CCDC88C: variants seen among roughly 807,000 people sequenced by gnomAD.
CCDC88C encodes protein Daple.
A neutral mutation model predicts 198.8 loss-of-function variants in CCDC88C; 131 were observed. The observed-to-expected ratio is 0.66, with a 90% CI of 0.57 to 0.76. The LOEUF (loss-of-function observed/expected upper bound fraction) is 0.76, where lower values mean the gene tolerates loss of function less well. CCDC88C is among the 30% of genes least tolerant of loss of function. The pLI is 0.00. For synonymous variants in CCDC88C, 1,166 were observed against 1,114.7 expected, an observed-to-expected ratio of 1.05 and a Z score of -0.92; for missense variants, 2,553 against 2,631.6, an observed-to-expected ratio of 0.97 and a Z score of 0.65.
chr14:91,337,873 G>A lies in CCDC88C; in HGVS notation c.1050+132C>T. 7.3e-6 allele frequency: 8 copies of A among 1,092,596 alleles called. No individual in the cohort carries two copies. The South Asian group carries it at 1.2e-4, about 16-fold the overall frequency. 67.7% of individuals were successfully genotyped at this position (1,092,596 alleles called of 1,614,324 possible). ...GCCCTGGGAAGCCCAGGCAGGCTGAGGTGCCGGGGAAGCATCTGCTGAAAC... is the reference window on the plus strand; with the variant it reads ...GCCCTGGGAAGCCCAGGCAGGCTGAAGTGCCGGGGAAGCATCTGCTGAAAC... On this transcript the variant is annotated intron_variant, in intron 10 of 29. Coordinates refer to ENST00000389857, the MANE Select transcript of CCDC88C (RefSeq NM_001080414.4).
At chr14:91,417,551 G>A in intron 1 of CCDC88C, 80 bp downstream of exon 1, 2 of 1,381,440 alleles carry the variant, frequency 1.4e-6, no homozygotes, top group Admixed American at 2.1e-5. Flanking sequence ...CCCCGGCCGT[G>A]TCGGGTCTGC....
At chr14:91,309,806 T>C in intron 16 of CCDC88C, 53 bp downstream of exon 16, 5 of 1,566,862 alleles carry the variant, frequency 3.2e-6, no homozygotes, top group Non-Finnish European at 4.4e-6. Flanking sequence ...GCCTGCAGAC[T>C]GAACAGTGGA....
chr14:91,340,887 A>G (rs1893285544), intron 6 of CCDC88C, among the ~76,000 whole-genome samples: 1 of 152,128 alleles, frequency 6.6e-6, no homozygotes, highest in Non-Finnish European at 1.5e-5. Flanking sequence ...CTGTGGTCCC[A>G]GCTACTTGGG....
In CCDC88C at chr14:91,371,518, A is replaced by T. The variant is rs565431212; in HGVS notation, c.271-11807T>A. 1.4e-4 allele frequency among the ~76,000 whole-genome samples: 22 copies of T among 152,126 alleles called. No homozygotes were observed. In the East Asian group the frequency reaches 2.7e-3, roughly 19 times the overall value. On this transcript the variant is annotated intron_variant, in intron 3 of 29. Transcript: ENST00000389857. This position sits in a 1 kb window ranked among gnomAD's most constrained non-coding sequence, Gnocchi z 4.2. ...CGGCGGTGGCAGGAGTACAGCACAG[A>T]CCAAGACCACAGTCTTGGTCCCGAG...
In CCDC88C at chr14:91,277,944, C is replaced by T; in HGVS notation, c.5036G>A (p.Ser1679Asn). ...MVTLEEFLEE[S>N]NRSSPTHDTP... ...CACATGGGTGGGGGAGCTGCGGTTG[C>T]TCTCCTCCAGGAACTCCTCCAAGGT... The change falls in exon 29 of 30, where the codon AGC becomes AAC. Residue 1679 changes from serine to asparagine, a missense_variant. Around this residue, in one of 2 missense-constraint regions of CCDC88C, gnomAD observed 1,293 missense variants for 1,219.6 expected, o/e 1.06. Transcript: ENST00000389857. 6.6e-7 allele frequency: 1 copy of T among 1,519,276 alleles called. No individual in the cohort carries two copies. Among genetic ancestry groups the T allele is most frequent in the Non-Finnish European group, 8.9e-7 (1 of 1,124,780 alleles). The allele number at this position is 1,519,276 out of a possible 1,614,324, so 94.1% of individuals were successfully genotyped here.
intron 3 of CCDC88C, among the ~76,000 whole-genome samples, chr14:91,389,926 G>T (rs1311826417): frequency 1.3e-5 from 2 of 151,884 alleles, no homozygotes; most frequent in Non-Finnish European, 2.9e-5. Flanking sequence ...CAAAAAATTA[G>T]CTGGGCGTGG....
At chr14:91,327,738 TTC>T (rs1373145544) in intron 10 of CCDC88C, among the ~76,000 whole-genome samples, 1 of 152,238 alleles carries the variant, frequency 6.6e-6, no homozygotes, top group African/African-American at 2.4e-5. Context: ...GCCCAGCCTT[TTC>T]TCTCTGGCTA....
In CCDC88C at chr14:91,339,127, A is replaced by G; in HGVS notation, c.809+151T>C. ...CTCAGAAGGGGAGGCAGCTAGTCCG[A>G]GGTCAAAGAGTAAGCTCAGGGCAGA... is the stretch of plus-strand genomic sequence containing the variant. On this transcript the variant is annotated intron_variant, in intron 8 of 29. Coordinates refer to ENST00000389857, the MANE Select transcript of CCDC88C (RefSeq NM_001080414.4). The surrounding 1 kb of genome is among the most constrained non-coding windows in gnomAD (Gnocchi z 5.8). 1 of 876,948 alleles carries G rather than the reference A, an allele frequency of 1.1e-6. No individual in the cohort carries two copies. 54.3% of individuals were successfully genotyped at this position (876,948 alleles called of 1,614,324 possible).
At chr14:91,341,168 A>T (rs968009298) in intron 6 of CCDC88C, among the ~76,000 whole-genome samples, 1 of 152,162 alleles carries the variant, frequency 6.6e-6, no homozygotes, top group Non-Finnish European at 1.5e-5. Context: ...AATTAGGAGA[A>T]ATCTTATCCC....
At position 91,295,696 on chromosome 14, in the gene CCDC88C, C is replaced by T. The variant is rs1435284783; in HGVS notation, c.3967-1378G>A. On this transcript the variant is annotated intron_variant, in intron 22 of 29. Transcript: ENST00000389857. Reference sequence around the variant, plus strand: ...GGCGGGTTAGGAGGAGCGGCGAGCACGGCTCCGAGCACAGCCACGCCCTCA... The same window carrying T: ...GGCGGGTTAGGAGGAGCGGCGAGCATGGCTCCGAGCACAGCCACGCCCTCA... 3.9e-5 allele frequency among the ~76,000 whole-genome samples: 6 copies of T among 152,178 alleles called. No individual in the cohort carries two copies. In the East Asian group the frequency reaches 5.8e-4, roughly 15 times the overall value.
intron 4 of CCDC88C, among the ~76,000 whole-genome samples, chr14:91,355,292 T>G (rs1220438998): frequency 6.6e-6 from 1 of 151,858 alleles, no homozygotes; most frequent in Admixed American, 6.6e-5. Flanking sequence ...AGGATAAGGA[T>G]GGCTGAGGGG....
chr14:91,401,323 T>G (rs1262723152), intron 3 of CCDC88C, among the ~76,000 whole-genome samples: 1 of 86,994 alleles, frequency 1.1e-5, no homozygotes, highest in Non-Finnish European at 2.2e-5. Flanking sequence ...TTATTATATA[T>G]TACATATATT....
intron 4 of CCDC88C, among the ~76,000 whole-genome samples, chr14:91,356,695 T>C (rs1894051022): frequency 6.6e-6 from 1 of 152,036 alleles, no homozygotes; most frequent in East Asian, 1.9e-4. Flanking sequence ...TCAATAAAGC[T>C]GTTAAAAAAA....
chr14:91,289,024 C>T, intron 25 of CCDC88C, 81 bp downstream of exon 25: 1 of 1,166,774 alleles, frequency 8.6e-7, no homozygotes, highest in South Asian at 1.3e-5. Flanking sequence ...CGTTCCTGCA[C>T]ACGTGTGCAC....
rs1886945989 is a variant in CCDC88C at position 91,414,503 on chromosome 14, G to A, written c.161+2235C>T. On this transcript the variant is annotated intron_variant, in intron 2 of 29. Coordinates refer to ENST00000389857, the MANE Select transcript of CCDC88C (RefSeq NM_001080414.4). ...GTTTTGGAAAATGAAACATACTCCA[G>A]CCACTCTGCAGGACATTTCAACTAC... is the stretch of plus-strand genomic sequence containing the variant. Among the ~76,000 whole-genome samples, 9 of 152,310 alleles carry A rather than the reference G, an allele frequency of 5.9e-5. No individual in the cohort carries two copies. In the South Asian group the frequency reaches 1.7e-3, roughly 28 times the overall value.
chr14:91,335,472 T>G, intron 10 of CCDC88C, among the ~76,000 whole-genome samples: 1 of 151,946 alleles, frequency 6.6e-6, no homozygotes. Flanking sequence ...TCTGCCTGGC[T>G]CTCCCTGCTT....
intron 3 of CCDC88C, among the ~76,000 whole-genome samples, chr14:91,373,034 C>T (rs917565445): frequency 1.3e-5 from 2 of 152,138 alleles, no homozygotes; most frequent in African/African-American, 2.4e-5. Flanking sequence ...ACACAGGAAG[C>T]CACAGTCACC....
chr14:91,342,169 T>A (rs990676994), intron 6 of CCDC88C: 1 of 410,776 alleles, frequency 2.4e-6, no homozygotes, highest in Non-Finnish European at 4.3e-6. Context: ...TTTTAATTTT[T>A]ATTTTTACCC....
chr14:91,408,622 C>T lies in CCDC88C; in HGVS notation c.270+37G>A, dbSNP rs760740273. 3.1e-6 allele frequency: 4 copies of T among 1,272,388 alleles called. No homozygotes were observed. The South Asian group carries it at 3.6e-5, about 11-fold the overall frequency. The allele number at this position is 1,272,388 out of a possible 1,614,324, so 78.8% of individuals were successfully genotyped here. A position where few individuals can be genotyped will look rare whatever the true frequency, so the allele number is the denominator to read the frequency against. On this transcript the variant is annotated intron_variant, in intron 3 of 29. Transcript: ENST00000389857. ...CCGTGACAGTGACGATACTGATGGA[C>T]ACACATCAGAATTCCCGACAGCAGA... is the stretch of plus-strand genomic sequence containing the variant.
Sources: allele counts gnomAD v4.1 joint callset (sites outside exome capture counted in the v4.1 genomes callset), GRCh38; gene constraint gnomAD v4.1.1; regional missense constraint gnomAD v4.1.1; non-coding constraint Gnocchi (gnomAD v3.1); transcripts MANE v1.5; gene names NCBI Gene and HGNC (gene_info 2026-07-23, HGNC 2026-07-21).